SCN3A: variants seen among roughly 807,000 people sequenced by gnomAD.
SCN3A encodes sodium channel protein type 3 subunit alpha.
In SCN3A, 60 loss-of-function variants were observed where a neutral mutation model predicts 187.6. That is an observed-to-expected ratio of 0.32 (90% CI 0.26 to 0.40). The LOEUF is 0.40. SCN3A is among the 10% of genes least tolerant of loss of function. The pLI is 1.00. For missense variants in SCN3A, 1,601 were observed against 2,428.2 expected, an observed-to-expected ratio of 0.66 and a Z score of 7.16; for synonymous variants, 788 against 829.2, an observed-to-expected ratio of 0.95 and a Z score of 0.85.
At chr2:165,150,326 G>A (rs1402309247) in intron 11 of SCN3A, among the ~76,000 whole-genome samples, 3 of 152,102 alleles carry the variant, frequency 2.0e-5, no homozygotes, top group Non-Finnish European at 2.9e-5. Context: ...TTGAAGAGTC[G>A]TAGGTGGTTA....
chr2:165,195,069 T>C (rs898936807), intron 1 of SCN3A: 10 of 152,114 alleles, frequency 6.6e-5, no homozygotes, highest in African/African-American at 2.2e-4. Context: ...CTAAAGGAGA[T>C]CCAGAATTCC....
At chr2:165,190,567 A>G (rs1196478716) in intron 1 of SCN3A, among the ~76,000 whole-genome samples, 1 of 145,784 alleles carries the variant, frequency 6.9e-6, no homozygotes, top group Non-Finnish European at 1.5e-5. Context: ...TTTATATATA[A>G]CTATATTTAT....
chr2:165,168,246 A>T (rs1343220421), intron 5 of SCN3A, among the ~76,000 whole-genome samples: 1 of 152,150 alleles, frequency 6.6e-6, no homozygotes, highest in Non-Finnish European at 1.5e-5. Context: ...AAGCTGTTTC[A>T]GCACACATGT....
At chr2:165,112,228 C>A (rs1439992) in intron 21 of SCN3A, among the ~76,000 whole-genome samples, 152,330 of 152,332 alleles carry the variant, frequency 1, 76,164 homozygotes, top group Middle Eastern at 1. Flanking sequence ...ACAGGCTGCA[C>A]GTCAGATAGA....
At chr2:165,114,013 T>G (rs1244372351) in intron 19 of SCN3A, 43 bp from the exon 20 acceptor site, 3 of 1,302,934 alleles carry the variant, frequency 2.3e-6, no homozygotes, top group Non-Finnish European at 3.2e-6. Flanking sequence ...ATTTTAATCT[T>G]AAATAGGAAA....
At chr2:165,105,804 C>T (rs1013477253) in intron 21 of SCN3A, among the ~76,000 whole-genome samples, 3 of 151,900 alleles carry the variant, frequency 2.0e-5, no homozygotes, top group Non-Finnish European at 4.4e-5. Flanking sequence ...TTTGAGGTTA[C>T]AGCGAGCTAT....
intron 1 of SCN3A, among the ~76,000 whole-genome samples, chr2:165,197,509 C>T (rs1009348001): frequency 2.6e-5 from 4 of 151,338 alleles, no homozygotes; most frequent in Admixed American, 1.3e-4. Flanking sequence ...GTGGGCCACT[C>T]TGTGAATAAG....
chr2:165,202,913 T>C (rs182082819), intron 1 of SCN3A, among the ~76,000 whole-genome samples: 81 of 152,206 alleles, frequency 5.3e-4, no homozygotes, highest in Admixed American at 6.6e-5. Context: ...GTATAGATTT[T>C]CTGTCAATAA....
chr2:165,198,727 A>T (rs1390924535), intron 1 of SCN3A, among the ~76,000 whole-genome samples: 1 of 152,028 alleles, frequency 6.6e-6, no homozygotes, highest in Non-Finnish European at 1.5e-5. Context: ...GCAGGAATTT[A>T]TGTTCGTTTC....
chr2:165,132,125 A>G lies in SCN3A; in HGVS notation c.2392-708T>C, dbSNP rs535093125. Among the ~76,000 whole-genome samples the G allele has an allele frequency of 9.2e-5, 14 of 152,288 alleles. No individual in the cohort carries two copies. The South Asian group carries it at 2.9e-3, about 32-fold the overall frequency. ...ACTACAAACCACTGCTCAATGAAAT[A>G]AAAGAGGATACAAACAAATGGAAGA... is the stretch of plus-strand genomic sequence containing the variant. On this transcript the variant is annotated intron_variant, in intron 15 of 27. Transcript: ENST00000283254.
chr2:165,161,361 G>C (rs1003159689), intron 9 of SCN3A, among the ~76,000 whole-genome samples: 7 of 151,700 alleles, frequency 4.6e-5, no homozygotes, highest in African/African-American at 1.7e-4. Flanking sequence ...ACTTTTCCAA[G>C]GTCAAAGAGC....
intron 1 of SCN3A, chr2:165,195,625 TG>T (rs1264026360): frequency 6.6e-6 from 1 of 152,066 alleles, no homozygotes; most frequent in Non-Finnish European, 1.5e-5. Flanking sequence ...TGTGTATTGT[TG>T]GGGGAGAGGA....
In SCN3A at chr2:165,088,854, T is replaced by A. The variant is rs554108222; in HGVS notation, c.*1296A>T. The A allele has an allele frequency of 3.3e-5, 5 of 152,680 alleles. 1 individual carries two copies. The South Asian group carries it at 1.0e-3, about 32-fold the overall frequency. The allele number at this position is 152,680 out of a possible 1,614,324, so 9.5% of individuals were successfully genotyped here. A position where few individuals can be genotyped will look rare whatever the true frequency, so the allele number is the denominator to read the frequency against. On this transcript the variant is annotated 3_prime_UTR_variant, in exon 28 of 28. Transcript: ENST00000283254. Reference sequence around the variant, plus strand: ...TTGTCAGTAGGCAGTATCCAGTGTGTTTCCTTGAAATCTAGAGAGATACCA... The same window carrying A: ...TTGTCAGTAGGCAGTATCCAGTGTGATTCCTTGAAATCTAGAGAGATACCA...
At chr2:165,134,957 T>C (rs1260094972) in intron 15 of SCN3A, among the ~76,000 whole-genome samples, 1 of 151,978 alleles carries the variant, frequency 6.6e-6, no homozygotes, top group East Asian at 1.9e-4. Flanking sequence ...TATCTAAAAA[T>C]GTAATCCCGC....
chr2:165,097,224 T>A (rs752907250), intron 23 of SCN3A, 28 bp downstream of exon 23: 1 of 1,613,706 alleles, frequency 6.2e-7, no homozygotes, highest in Admixed American at 1.7e-5. Context: ...TTGAAAACTT[T>A]TTCAAAACTC....
At position 165,130,218 on chromosome 2, in the gene SCN3A, G is replaced by C. The variant is rs746512784; in HGVS notation, c.2644C>G (p.Leu882Val). 5 of 1,614,024 alleles carry C rather than the reference G, an allele frequency of 3.1e-6. No individual in the cohort carries two copies. ...IKIIGNSVGALGNLTLVLAII... is the reference protein window; with the variant it reads ...IKIIGNSVGAVGNLTLVLAII... ...GCCAACACCAAGGTGAGGTTTCCTA[G>C]AGCCCCCACAGAATTGCCAATGATC... The change falls in exon 17 of 28, where the codon CTA (leucine) becomes GTA (valine). Residue 882 changes from leucine (L) to valine (V), a missense_variant. Physicochemically the swap from Leu to Val is conservative, Grantham distance 32. Coordinates refer to ENST00000283254, the MANE Select transcript of SCN3A (RefSeq NM_006922.4).
At chr2:165,169,862 C>T (rs761054575) in intron 4 of SCN3A, among the ~76,000 whole-genome samples, 30 of 151,758 alleles carry the variant, frequency 2.0e-4, no homozygotes, top group African/African-American at 6.5e-4. Context: ...ATTTCAAGTT[C>T]GACTTTTTGA....
At chr2:165,163,300 C>A (rs777766858) in intron 7 of SCN3A, among the ~76,000 whole-genome samples, 1 of 152,088 alleles carries the variant, frequency 6.6e-6, no homozygotes, top group Non-Finnish European at 1.5e-5. Flanking sequence ...TTTTGAACTA[C>A]ATCTGCAGCG....
Position 165,146,603 on chromosome 2 carries a change from T to A in SCN3A, c.1671+136A>T, listed in dbSNP as rs573628775. 5 of 851,346 alleles carry A rather than the reference T, an allele frequency of 5.9e-6. No homozygotes were observed. The East Asian group carries it at 1.3e-4, about 23-fold the overall frequency. The allele number at this position is 851,346 out of a possible 1,614,324, so 52.7% of individuals were successfully genotyped here. A position where few individuals can be genotyped will look rare whatever the true frequency, so the allele number is the denominator to read the frequency against. On this transcript the variant is annotated intron_variant, in intron 12 of 27. Coordinates refer to ENST00000283254, the MANE Select transcript of SCN3A (RefSeq NM_006922.4). Reference sequence around the variant, plus strand: ...TTGAAGACAATCTATTATAAGAATTTAAACAACTATATTAAATGTTAGTTC... The same window carrying A: ...TTGAAGACAATCTATTATAAGAATTAAAACAACTATATTAAATGTTAGTTC...
Sources: gnomAD v4.1 joint callset for allele counts (sites outside exome capture counted in the v4.1 genomes callset) on GRCh38, gnomAD v4.1.1 for gene constraint, MANE v1.5 for transcripts, NCBI Gene and HGNC (gene_info 2026-07-23, HGNC 2026-07-21) for gene names.